The following BTF3L4 variants were observed in gnomAD, a reference collection of about 807,000 sequenced individuals.
BTF3L4 encodes transcription factor BTF3 homolog 4.
BTF3L4 carries 6 observed loss-of-function variants against 16.8 expected under a neutral mutation model. The ratio of observed to expected loss-of-function variants is 0.36; its 90% CI spans 0.20 to 0.71. The LOEUF (loss-of-function observed/expected upper bound fraction) is 0.71, where lower values mean the gene tolerates loss of function less well. Among genes scored for constraint, BTF3L4 ranks in the 30% least tolerant of loss-of-function variants. The pLI is 0.58. For synonymous variants in BTF3L4, 39 were observed against 59.8 expected, an observed-to-expected ratio of 0.65 and a Z score of 1.60; for missense variants, 92 against 186.9, an observed-to-expected ratio of 0.49 and a Z score of 2.96.
chr1:52,070,085 T>A (rs1182962788), intron 3 of BTF3L4, among the ~76,000 whole-genome samples: 1 of 151,978 alleles, frequency 6.6e-6, no homozygotes, highest in Non-Finnish European at 1.5e-5. Context: ...AGTGTGGTGG[T>A]GCATGCCTGT....
intron 2 of BTF3L4, among the ~76,000 whole-genome samples, chr1:52,062,421 C>G (rs1417892914): frequency 6.6e-6 from 1 of 151,590 alleles, no homozygotes; most frequent in East Asian, 2.0e-4. Context: ...AGGCTGGTCT[C>G]AAACTCCTGA....
chr1:52,074,840 T>C (rs1686890915), intron 3 of BTF3L4, among the ~76,000 whole-genome samples: 1 of 152,134 alleles, frequency 6.6e-6, no homozygotes, highest in African/African-American at 2.4e-5. Flanking sequence ...ATTTTTACTT[T>C]TTTAATTTTT....
chr1:52,062,586 A>C (rs1686543715), intron 2 of BTF3L4, among the ~76,000 whole-genome samples: 1 of 152,134 alleles, frequency 6.6e-6, no homozygotes, highest in Admixed American at 6.6e-5. Context: ...TTATACTTTT[A>C]TATGCCATAC....
At chr1:52,070,570 A>AC (rs1240353950) in intron 3 of BTF3L4, among the ~76,000 whole-genome samples, 1 of 150,356 alleles carries the variant, frequency 6.7e-6, no homozygotes, top group African/African-American at 2.4e-5. Context: ...AAAAAAAAAA[A>AC]ACAAAACTAA....
chr1:52,058,853 G>T (rs1041233962), intron 1 of BTF3L4, among the ~76,000 whole-genome samples: 3 of 152,110 alleles, frequency 2.0e-5, no homozygotes, highest in Non-Finnish European at 4.4e-5. Context: ...ATCCGCCTCG[G>T]CCTCCCAAAG....
intron 2 of BTF3L4, among the ~76,000 whole-genome samples, 157 bp downstream of exon 2, chr1:52,060,058 T>C (rs1686469773): frequency 6.6e-6 from 1 of 152,182 alleles, no homozygotes; most frequent in South Asian, 2.1e-4. Context: ...CTAAAATAGG[T>C]AACTAGAACA....
In BTF3L4 at chr1:52,086,703, CT is replaced by C; in HGVS notation, c.431-4del. The C allele has an allele frequency of 6.4e-7, 1 of 1,565,992 alleles. No homozygotes were observed. Among genetic ancestry groups the C allele is most frequent in the Admixed American group, 1.8e-5 (1 of 54,934 alleles). ...TCTTTGATTCATATACTTTGTTTTT[CT>C]TTTTCAGATCTTGTAGAAAATTTTG... On this transcript the variant is annotated splice_region_variant and splice_polypyrimidine_tract_variant and intron_variant, in intron 5 of 5. Coordinates refer to ENST00000313334, the MANE Select transcript of BTF3L4 (RefSeq NM_152265.5).
chr1:52,079,750 A>G (rs769552112), intron 3 of BTF3L4, among the ~76,000 whole-genome samples: 4 of 152,072 alleles, frequency 2.6e-5, no homozygotes, highest in Non-Finnish European at 4.4e-5. Context: ...CCAATAAGAT[A>G]CATTTTATCT....
At chr1:52,061,794 C>T (rs1192157095) in intron 2 of BTF3L4, among the ~76,000 whole-genome samples, 1 of 150,624 alleles carries the variant, frequency 6.6e-6, no homozygotes, top group African/African-American at 2.4e-5. Context: ...GCATATGCCA[C>T]CATGCCCAGC....
chr1:52,087,614 T>C lies in BTF3L4; in HGVS notation c.*856T>C, dbSNP rs1643984172. The C allele has an allele frequency of 6.6e-6, 1 of 152,220 alleles. No homozygotes were observed. The allele number at this position is 152,220 out of a possible 1,614,324, so 9.4% of individuals were successfully genotyped here. A position where few individuals can be genotyped will look rare whatever the true frequency, so the allele number is the denominator to read the frequency against. On this transcript the variant is annotated 3_prime_UTR_variant, in exon 6 of 6. Transcript: ENST00000313334. ...TGAGGAACAACTTCATCTTCAACTT[T>C]TTATTTCTCCCTGATGTTACAGTTT... is the stretch of plus-strand genomic sequence containing the variant.
chr1:52,066,800 C>G (rs1223044448), intron 3 of BTF3L4, among the ~76,000 whole-genome samples: 4 of 150,882 alleles, frequency 2.7e-5, no homozygotes, highest in African/African-American at 9.7e-5. Context: ...GAGCCGAGAC[C>G]ACGCCACTGT....
chr1:52,058,472 A>T (rs1220434011), intron 1 of BTF3L4, among the ~76,000 whole-genome samples: 1 of 152,220 alleles, frequency 6.6e-6, no homozygotes, highest in African/African-American at 2.4e-5. Flanking sequence ...TTTCATGTGA[A>T]TGATGACTAT....
chr1:52,060,844 T>A (rs1219251123), intron 2 of BTF3L4, among the ~76,000 whole-genome samples: 1 of 152,214 alleles, frequency 6.6e-6, no homozygotes, highest in African/African-American at 2.4e-5. Flanking sequence ...ACCACAGTAG[T>A]CACATTGTAG....
At chr1:52,071,844 C>T (rs1233944362) in intron 3 of BTF3L4, among the ~76,000 whole-genome samples, 1 of 151,768 alleles carries the variant, frequency 6.6e-6, no homozygotes, top group Non-Finnish European at 1.5e-5. Flanking sequence ...AAGGGAAGCA[C>T]CATGTCCTAT....
intron 2 of BTF3L4, among the ~76,000 whole-genome samples, chr1:52,060,905 C>T (rs1363296626): frequency 3.3e-5 from 5 of 152,200 alleles, no homozygotes; most frequent in African/African-American, 1.2e-4. Context: ...TATTCAAGAA[C>T]CATAGAATAT....
At chr1:52,062,685 G>A (rs906295392) in intron 2 of BTF3L4, among the ~76,000 whole-genome samples, 4 of 152,182 alleles carry the variant, frequency 2.6e-5, no homozygotes, top group African/African-American at 4.8e-5. Context: ...AAAGGTAGCT[G>A]CTGGCGTTGT....
rs1262325964 is a variant in BTF3L4, at chr1:52,090,648, T to G, written c.*3890T>G. On this transcript the variant is annotated 3_prime_UTR_variant, in exon 6 of 6. Coordinates refer to ENST00000313334, the MANE Select transcript of BTF3L4 (RefSeq NM_152265.5). Reference sequence around the variant, plus strand: ...CTTTCTCGTAGTGCCCAATGTGTAGTTTACTCAACATCATAATATGTAATG... The same window carrying G: ...CTTTCTCGTAGTGCCCAATGTGTAGGTTACTCAACATCATAATATGTAATG... 1 of 152,186 alleles carries G rather than the reference T, an allele frequency of 6.6e-6. No homozygotes were observed. The highest frequency in any genetic ancestry group is 2.4e-5 in the African/African-American group (1 of 41,446). 9.4% of individuals were successfully genotyped at this position (152,186 alleles called of 1,614,324 possible).
intron 1 of BTF3L4, among the ~76,000 whole-genome samples, chr1:52,058,858 C>G (rs1325420240): frequency 5.3e-5 from 8 of 152,198 alleles, no homozygotes; most frequent in Admixed American, 5.2e-4. Flanking sequence ...CCTCGGCCTC[C>G]CAAAGTGCTG....
At chr1:52,066,842 T>C (rs1686664404) in intron 3 of BTF3L4, among the ~76,000 whole-genome samples, 1 of 150,854 alleles carries the variant, frequency 6.6e-6, no homozygotes, top group Non-Finnish European at 1.5e-5. Flanking sequence ...CGAGACTCCA[T>C]CTCAAAAAAA....
Sources: allele counts gnomAD v4.1 joint callset (sites outside exome capture counted in the v4.1 genomes callset), GRCh38; gene constraint gnomAD v4.1.1; transcripts MANE v1.5; gene names NCBI Gene and HGNC (gene_info 2026-07-23, HGNC 2026-07-21).